LPA: variants seen among roughly 807,000 people sequenced by gnomAD.
The protein encoded by LPA is apolipoprotein(a).
LPA carries 199 observed loss-of-function variants against 197.9 expected under a neutral mutation model. That is an observed-to-expected ratio of 1.01 (90% CI 0.90 to 1.13). The LOEUF (loss-of-function observed/expected upper bound fraction) is 1.13, where lower values mean the gene tolerates loss of function less well. Ranked by LOEUF, LPA falls within the 50% of genes most tolerant of loss-of-function variation. LPA has a pLI of 0.00. For synonymous variants in LPA, 715 were observed against 639.5 expected (o/e 1.12, Z -1.78); for missense variants, 1,853 against 1,785.8 (o/e 1.04, Z -0.68).
chr6:160,590,010 G>C (rs1490417992), intron 23 of LPA, among the ~76,000 whole-genome samples: 1 of 152,244 alleles, frequency 6.6e-6, no homozygotes, highest in Non-Finnish European at 1.5e-5. Flanking sequence ...TCTTTTGGGT[G>C]TTCCTGAGAA....
intron 1 of LPA, among the ~76,000 whole-genome samples, chr6:160,658,892 G>A (rs1000465347): frequency 1.0e-3 from 43 of 42,742 alleles, no homozygotes; most frequent in African/African-American, 1.5e-3. Flanking sequence ...ATATATATAT[G>A]AGAGAGAGAG....
At chr6:160,646,674 A>G (rs1779885877) in intron 2 of LPA, among the ~76,000 whole-genome samples, 1 of 132,566 alleles carries the variant, frequency 7.5e-6, no homozygotes, top group Admixed American at 7.9e-5. Context: ...ACGTGGCCGA[A>G]AAACGATCAG....
chr6:160,660,069 T>G (rs567369749), intron 1 of LPA, among the ~76,000 whole-genome samples: 3 of 152,328 alleles, frequency 2.0e-5, no homozygotes, highest in African/African-American at 7.2e-5. Flanking sequence ...AAGTACAATG[T>G]TTCTTGTTTC....
At chr6:160,578,436 C>A (rs1459508371) in intron 27 of LPA, 87 bp downstream of exon 27, 2 of 1,527,246 alleles carry the variant, frequency 1.3e-6, no homozygotes, top group Non-Finnish European at 1.8e-6. Flanking sequence ...ACCAACCCTC[C>A]AGTGTACCAC....
At chr6:160,663,415 T>C (rs190889575) in intron 1 of LPA, among the ~76,000 whole-genome samples, 2 of 152,334 alleles carry the variant, frequency 1.3e-5, no homozygotes, top group Admixed American at 1.3e-4. Flanking sequence ...TTCCTAAGTC[T>C]AGATTTCTTT....
At chr6:160,635,819 C>G (rs1779806985) in intron 6 of LPA, among the ~76,000 whole-genome samples, 1 of 91,340 alleles carries the variant, frequency 1.1e-5, no homozygotes, top group Non-Finnish European at 2.2e-5. Flanking sequence ...CCAGGTCAAC[C>G]CTCACACTCT....
chr6:160,611,077 G>C (rs964687611), intron 16 of LPA, among the ~76,000 whole-genome samples: 22 of 151,988 alleles, frequency 1.4e-4, no homozygotes, highest in African/African-American at 3.6e-4. Context: ...CTGGTACTTA[G>C]GACCAAGAGA....
intron 26 of LPA, among the ~76,000 whole-genome samples, chr6:160,580,000 A>G (rs1583593485): frequency 6.6e-6 from 1 of 152,020 alleles, no homozygotes; most frequent in Admixed American, 6.6e-5. Context: ...CATTTTCACC[A>G]CCCCAGAAAC....
chr6:160,595,602 T>C, intron 20 of LPA, 67 bp from the exon 21 acceptor site: 1 of 1,608,062 alleles, frequency 6.2e-7, no homozygotes, highest in Non-Finnish European at 8.5e-7. Context: ...TAGCGCCCTC[T>C]ACATTTTGCT....
At chr6:160,655,615 T>TGCTTCA in intron 1 of LPA, among the ~76,000 whole-genome samples, 1 of 152,354 alleles carries the variant, frequency 6.6e-6, no homozygotes, top group East Asian at 1.9e-4. Context: ...CAGCAAGTTA[T>TGCTTCA]GCTTCACCTT....
At chr6:160,592,369 C>T (rs931549424) in intron 22 of LPA, among the ~76,000 whole-genome samples, 1 of 148,046 alleles carries the variant, frequency 6.8e-6, no homozygotes, top group Non-Finnish European at 1.5e-5. Context: ...TAACTTTTCT[C>T]AGTTTTTAAA....
At chr6:160,549,026 C>A (rs748459184) in intron 30 of LPA, among the ~76,000 whole-genome samples, 62 of 152,086 alleles carry the variant, frequency 4.1e-4, no homozygotes, top group Non-Finnish European at 7.6e-4. Context: ...TGGCAGAAGG[C>A]AAGGGAGAAA....
chr6:160,543,357 G>A (rs1354935028), intron 33 of LPA, among the ~76,000 whole-genome samples: 1 of 152,116 alleles, frequency 6.6e-6, no homozygotes, highest in Non-Finnish European at 1.5e-5. Context: ...CAGTGCAGGG[G>A]CTACAGAGGG....
chr6:160,651,714 A>AT (rs2115100455), intron 1 of LPA, among the ~76,000 whole-genome samples: 1 of 152,326 alleles, frequency 6.6e-6, no homozygotes, highest in East Asian at 1.9e-4. Flanking sequence ...CAGACTCAGA[A>AT]AAGACACCAT....
At chr6:160,592,718 T>A (rs968199377) in intron 22 of LPA, among the ~76,000 whole-genome samples, 1 of 152,176 alleles carries the variant, frequency 6.6e-6, no homozygotes, top group African/African-American at 2.4e-5. Flanking sequence ...TACTTGGAAA[T>A]CATTTGGATC....
At chr6:160,589,744 T>C (rs778637760) in intron 23 of LPA, 32 bp from the exon 24 acceptor site, 3 of 1,612,624 alleles carry the variant, frequency 1.9e-6, no homozygotes, top group Admixed American at 1.7e-5. Flanking sequence ...ACAAACTGAG[T>C]AATTTCCAGA....
chr6:160,600,521 C>T (rs981592367), intron 19 of LPA, among the ~76,000 whole-genome samples: 6 of 152,098 alleles, frequency 3.9e-5, no homozygotes, highest in Non-Finnish European at 8.8e-5. Flanking sequence ...CCACATTTCT[C>T]GGAATCTGCA....
At chr6:160,602,602 A>G (rs1360891359) in intron 18 of LPA, among the ~76,000 whole-genome samples, 6 of 152,214 alleles carry the variant, frequency 3.9e-5, no homozygotes, top group African/African-American at 1.4e-4. Flanking sequence ...GGCTGCAGAA[A>G]GTTCTCCTCT....
chr6:160,653,731 T>C (rs1780046579), intron 1 of LPA, among the ~76,000 whole-genome samples: 1 of 149,892 alleles, frequency 6.7e-6, no homozygotes, highest in African/African-American at 2.5e-5. Context: ...CCAATATCCT[T>C]GATGAACACA....
Sources: allele counts gnomAD v4.1 joint callset (sites outside exome capture counted in the v4.1 genomes callset), GRCh38; gene constraint gnomAD v4.1.1; transcripts MANE v1.5; gene names NCBI Gene and HGNC (gene_info 2026-07-23, HGNC 2026-07-21).